The following MTFR1 variants were observed in gnomAD, a reference collection of about 807,000 sequenced individuals.
MTFR1 encodes mitochondrial fission regulator 1, also known as chondrocyte protein with a poly-proline region.
Under a neutral mutation model 38.8 loss-of-function variants are expected in MTFR1, and 28 were observed. That is an observed-to-expected ratio of 0.72 (90% CI 0.53 to 0.99). The LOEUF (loss-of-function observed/expected upper bound fraction) is 0.99, where lower values mean the gene tolerates loss of function less well. Among genes scored for constraint, MTFR1 ranks in the 50% least tolerant of loss-of-function variants. The pLI, the probability that MTFR1 is intolerant of heterozygous loss-of-function variation, is 0.00. For missense variants in MTFR1, 358 were observed against 395.5 expected (o/e 0.91, Z 0.81); for synonymous variants, 145 against 137.0 (o/e 1.06, Z -0.41).
At chr8:65,644,451 G>A (rs1170410618), upstream of MTFR1, among the ~76,000 whole-genome samples, 1 of 152,190 alleles carries the variant, frequency 6.6e-6, no homozygotes, top group Non-Finnish European at 1.5e-5. Flanking sequence ...TTCAGAATGT[G>A]GGTGTCCCTA....
intron 3 of MTFR1, among the ~76,000 whole-genome samples, chr8:65,759,190 T>C (rs1481946008): frequency 2.0e-5 from 3 of 152,240 alleles, no homozygotes; most frequent in South Asian, 2.1e-4. Flanking sequence ...ATCACTGAAG[T>C]TTCTGTTCCA....
intron 3 of MTFR1, among the ~76,000 whole-genome samples, chr8:65,761,915 C>G (rs1641679228): frequency 6.6e-6 from 1 of 152,198 alleles, no homozygotes; most frequent in Non-Finnish European, 1.5e-5. Context: ...AGATTCTTTT[C>G]TATCACCCAA....
intron 2 of MTFR1, among the ~76,000 whole-genome samples, chr8:65,716,160 A>C (rs1242228466): frequency 2.0e-5 from 3 of 151,504 alleles, no homozygotes; most frequent in Non-Finnish European, 4.4e-5. Context: ...AAAAAAAAAA[A>C]AAACAAAAGG....
At chr8:65,744,231 AAAACAAC>A (rs1171021051) in intron 3 of MTFR1, among the ~76,000 whole-genome samples, 1 of 151,896 alleles carries the variant, frequency 6.6e-6, no homozygotes, top group African/African-American at 2.4e-5. Context: ...AAAACAAAAC[AAAACAAC>A]AAAAAAAAAC....
Position 65,677,536 on chromosome 8 carries a change from C to T in MTFR1, c.67-4817C>T, listed in dbSNP as rs543520851. ...TAGCTGGGATTACAGGCGTGCACCA[C>T]CACACCTGGCTAATTTTGTATTTTT... On this transcript the variant is annotated intron_variant, in intron 2 of 7. Transcript: ENST00000262146. 4.9e-3 allele frequency among the ~76,000 whole-genome samples: 745 copies of T among 151,498 alleles called. 2 individuals are homozygous for T. The highest frequency in any genetic ancestry group is 0.017 in the African/African-American group (714 of 41,350).
chr8:65,683,750 T>A (rs1037261312), intron 3 of MTFR1, among the ~76,000 whole-genome samples: 84 of 151,888 alleles, frequency 5.5e-4, no homozygotes, highest in African/African-American at 2.0e-3. Flanking sequence ...AGTCTTGCCC[T>A]GTGATCTCAG....
At chr8:65,702,231 C>T (rs1805631696) in intron 4 of MTFR1, among the ~76,000 whole-genome samples, 1 of 151,902 alleles carries the variant, frequency 6.6e-6, no homozygotes, top group South Asian at 2.1e-4. Flanking sequence ...TGTCTTTATC[C>T]AGCCACTTGC....
chr8:65,655,949 A>AT (rs1419222687), intron 1 of MTFR1, among the ~76,000 whole-genome samples: 133 of 15,688 alleles, frequency 8.5e-3, no homozygotes, highest in African/African-American at 0.062. Context: ...CTTAAAAAAA[A>AT]AAATATATAT....
chr8:65,752,125 T>C (rs1245388755), intron 3 of MTFR1, among the ~76,000 whole-genome samples: 4 of 152,242 alleles, frequency 2.6e-5, no homozygotes, highest in Non-Finnish European at 5.9e-5. Context: ...TAATTTTCAG[T>C]TATTGCACGA....
At chr8:65,742,056 C>T (rs967880980) in intron 3 of MTFR1, among the ~76,000 whole-genome samples, 1 of 152,036 alleles carries the variant, frequency 6.6e-6, no homozygotes, top group Non-Finnish European at 1.5e-5. Flanking sequence ...GAACACAAGT[C>T]AACAAAATAT....
chr8:65,672,894 G>C (rs1047771976), intron 2 of MTFR1, among the ~76,000 whole-genome samples: 2 of 152,220 alleles, frequency 1.3e-5, no homozygotes, highest in Non-Finnish European at 2.9e-5. Flanking sequence ...TTTGGCTTAA[G>C]GGAATGTTGT....
At chr8:65,651,470 A>G (rs1395505657) in intron 1 of MTFR1, among the ~76,000 whole-genome samples, 1 of 152,132 alleles carries the variant, frequency 6.6e-6, no homozygotes, top group African/African-American at 2.4e-5. Context: ...TTTTGATTTG[A>G]TTTTTGTATA....
chr8:65,773,861 A>C (rs1809182246), downstream of MTFR1, among the ~76,000 whole-genome samples: 1 of 152,098 alleles, frequency 6.6e-6, no homozygotes, highest in African/African-American at 2.4e-5. Context: ...ATATTTTTCG[A>C]ATTCTCTTAT....
Position 65,668,525 on chromosome 8 carries a change from C to CTT in MTFR1, c.-80-1332_-80-1331dup, listed in dbSNP as rs144265003. Reference sequence around the variant, plus strand: ...TTTCTTTTTTTTGTTTTTCTTTTTTCTTTTTTTTTTTTTTTTTAAGACGGA... The same window carrying CTT: ...TTTCTTTTTTTTGTTTTTCTTTTTTCTTTTTTTTTTTTTTTTTTTAAGACGGA... On this transcript the variant is annotated intron_variant, in intron 1 of 7. Transcript: ENST00000262146. 3.8e-3 allele frequency among the ~76,000 whole-genome samples: 483 copies of CTT among 127,008 alleles called. 5 individuals carry two copies. The highest frequency in any genetic ancestry group is 5.7e-3 in the Non-Finnish European group (355 of 62,466). The allele number at this position is 127,008 out of a possible 152,430, so 83.3% of individuals were successfully genotyped here. A position where few individuals can be genotyped will look rare whatever the true frequency, so the allele number is the denominator to read the frequency against.
downstream of MTFR1, among the ~76,000 whole-genome samples, chr8:65,712,078 C>CTGT (rs755798501): frequency 2.6e-5 from 4 of 152,178 alleles, no homozygotes; most frequent in Non-Finnish European, 4.4e-5. Flanking sequence ...TAAAAACATT[C>CTGT]TGTTAATGTT....
chr8:65,776,239 T>C (rs1809255757), downstream of MTFR1, among the ~76,000 whole-genome samples: 2 of 152,196 alleles, frequency 1.3e-5, no homozygotes, highest in African/African-American at 4.8e-5. Flanking sequence ...CCTACTTCAT[T>C]ACCACACTTG....
At chr8:65,707,706 C>T (rs1294071547) in intron 6 of MTFR1, 137 bp from the exon 7 acceptor site, 2 of 1,082,842 alleles carry the variant, frequency 1.8e-6, no homozygotes, top group Non-Finnish European at 1.3e-6. Flanking sequence ...CATCTCAATG[C>T]TAGCAGTATT....
Position 65,693,661 on chromosome 8 carries a change from A to G in MTFR1, c.183A>G (p.Thr61=). Residue 61 remains threonine, a synonymous_variant, in exon 4 of 8, where the codon ACA becomes ACG. Coordinates refer to ENST00000262146, the MANE Select transcript of MTFR1 (RefSeq NM_014637.4). ...ACTTACAGATTAACAGCCATGCAACAGAATGGAGTCCCAGCCACCCAGGAG... is the reference window on the plus strand; with the variant it reads ...ACTTACAGATTAACAGCCATGCAACGGAATGGAGTCCCAGCCACCCAGGAG... ...RVQFQINSHA[T]EWSPSHPGED... is the part of the protein sequence containing the mutation. 1 of 1,613,996 alleles carries G rather than the reference A, an allele frequency of 6.2e-7. No homozygotes were observed. Among genetic ancestry groups the G allele is most frequent in the Non-Finnish European group, 8.5e-7 (1 of 1,179,874 alleles).
chr8:65,727,740 T>A (rs1178756945), intron 3 of MTFR1: 1 of 155,130 alleles, frequency 6.4e-6, no homozygotes, highest in Non-Finnish European at 1.4e-5. Context: ...TTCAATAATG[T>A]AATCTAAGAT....
Sources: gnomAD v4.1 joint callset for allele counts (sites outside exome capture counted in the v4.1 genomes callset) on GRCh38, gnomAD v4.1.1 for gene constraint, MANE v1.5 for transcripts, NCBI Gene and HGNC (gene_info 2026-07-23, HGNC 2026-07-21) for gene names.